The following PYROXD1 variants were observed in gnomAD, a reference collection of about 807,000 sequenced individuals.
PYROXD1 encodes pyridine nucleotide-disulphide oxidoreductase domain 1.
Under a neutral mutation model 62.0 loss-of-function variants are expected in PYROXD1, and 42 were observed. That is an observed-to-expected ratio of 0.68 (90% confidence interval 0.53 to 0.88). The LOEUF is 0.88. PYROXD1 is among the 40% of genes least tolerant of loss of function. The probability of loss-of-function intolerance (pLI) is 0.00; values close to 1 mark genes in which losing one functional copy is unlikely to be tolerated. For missense variants in PYROXD1, 493 were observed against 604.8 expected, an observed-to-expected ratio of 0.82 and a Z score of 1.94; for synonymous variants, 170 against 206.4, an observed-to-expected ratio of 0.82 and a Z score of 1.51.
chr12:21,451,018 A>G (rs1942486787), intron 4 of PYROXD1, among the ~76,000 whole-genome samples: 1 of 152,202 alleles, frequency 6.6e-6, no homozygotes, highest in African/African-American at 2.4e-5. Context: ...ATGTTTCTTA[A>G]ATTGCAATAT....
At chr12:21,447,006 C>A (rs77392592) in intron 3 of PYROXD1, among the ~76,000 whole-genome samples, 8,474 of 152,038 alleles carry the variant, frequency 0.056, 315 homozygotes, top group African/African-American at 0.1. Flanking sequence ...AAAAAATATC[C>A]CAGATTTGAG....
intron 2 of PYROXD1, among the ~76,000 whole-genome samples, chr12:21,441,672 TTC>T (rs1942298111): frequency 6.6e-6 from 1 of 152,246 alleles, no homozygotes; most frequent in African/African-American, 2.4e-5. Context: ...CTTATTGTTT[TTC>T]TGATTTAATT....
chr12:21,438,095 G>C lies in PYROXD1; in HGVS notation c.84+281G>C, dbSNP rs113058309. 0.02 allele frequency: 8,606 copies of C among 429,496 alleles called. 122 individuals carry two copies. The highest frequency in any genetic ancestry group is 0.053 in the Middle Eastern group (88 of 1,654). The allele number at this position is 429,496 out of a possible 1,614,324, so 26.6% of individuals were successfully genotyped here. A position where few individuals can be genotyped will look rare whatever the true frequency, so the allele number is the denominator to read the frequency against. On this transcript the variant is annotated intron_variant, in intron 1 of 11. Transcript: ENST00000240651. ...ATCCTTGTAATGTCAGAGCAGACAT[G>C]AGGACTTTGTATTTAGACAAAAAAT...
intron 7 of PYROXD1, among the ~76,000 whole-genome samples, chr12:21,460,048 T>C (rs1237639279): frequency 6.6e-6 from 1 of 152,222 alleles, no homozygotes. Flanking sequence ...TTAATAGTTG[T>C]TAAAGGGCTG....
chr12:21,442,395 G>A (rs1942311776), intron 2 of PYROXD1, among the ~76,000 whole-genome samples: 1 of 152,232 alleles, frequency 6.6e-6, no homozygotes, highest in South Asian at 2.1e-4. Flanking sequence ...TGTGCTCAGA[G>A]TTACAGCAGC....
Position 21,455,030 on chromosome 12 carries a change from T to C in PYROXD1, c.489-102T>C, listed in dbSNP as rs571509297. On this transcript the variant is annotated intron_variant, in intron 5 of 11. Transcript: ENST00000240651. ...AATCTTTCCCAGTTAGCCTTAAAAA[T>C]GTATTCCCTACTTTTGCTTCAGGAG... 27 of 543,764 alleles carry C rather than the reference T, an allele frequency of 5.0e-5. No individual in the cohort carries two copies. The South Asian group carries it at 1.4e-3, about 29-fold the overall frequency. 33.7% of individuals were successfully genotyped at this position (543,764 alleles called of 1,614,324 possible).
intron 4 of PYROXD1, among the ~76,000 whole-genome samples, chr12:21,450,289 A>T (rs893836954): frequency 2.6e-5 from 4 of 152,174 alleles, no homozygotes; most frequent in Admixed American, 2.6e-4. Flanking sequence ...TATATTACAC[A>T]CACATTCATT....
intron 7 of PYROXD1, 27 bp from the exon 8 acceptor site, chr12:21,460,998 T>G: frequency 7.0e-7 from 1 of 1,432,786 alleles, no homozygotes; most frequent in Non-Finnish European, 9.4e-7. Flanking sequence ...GTAAGTATTA[T>G]GCTAACCAGT....
Position 21,451,445 on chromosome 12 carries a change from AT to A in PYROXD1, c.415-625del, listed in dbSNP as rs201561811. 1.5e-3 allele frequency among the ~76,000 whole-genome samples: 215 copies of A among 144,754 alleles called. 1 individual carries two copies. Among genetic ancestry groups the A allele is most frequent in the African/African-American group, 3.6e-3 (145 of 39,748 alleles). The allele number at this position is 144,754 out of a possible 152,430, so 95.0% of individuals were successfully genotyped here. ...GTATCTGTCTTAGAATGTTAATAAC[AT>A]TTTTTTTTTTAGTAGAAGTTTGACA... On this transcript the variant is annotated intron_variant, in intron 4 of 11. Transcript: ENST00000240651.
At chr12:21,449,858 C>CT (rs71537701) in intron 4 of PYROXD1, among the ~76,000 whole-genome samples, 167 bp downstream of exon 4, 4,422 of 147,280 alleles carry the variant, frequency 0.03, 105 homozygotes, top group Middle Eastern at 0.057. Flanking sequence ...AATTTTCTTT[C>CT]TTTTTTTTTT....
chr12:21,451,217 G>A (rs1851678298), intron 4 of PYROXD1, among the ~76,000 whole-genome samples: 2 of 131,652 alleles, frequency 1.5e-5, no homozygotes, highest in Admixed American at 1.6e-4. Context: ...ATTACCACTG[G>A]CTTCTCTCTC....
chr12:21,449,317 A>T (rs918616761), intron 3 of PYROXD1, among the ~76,000 whole-genome samples: 3 of 152,078 alleles, frequency 2.0e-5, no homozygotes, highest in African/African-American at 7.2e-5. Flanking sequence ...CCAGGGGAGA[A>T]AGACTAGTTT....
In PYROXD1 at chr12:21,469,251, A is replaced by T. The variant is rs542519058; in HGVS notation, c.*497A>T. 4 of 156,158 alleles carry T rather than the reference A, an allele frequency of 2.6e-5. No homozygotes were observed. Among genetic ancestry groups the T allele is most frequent in the African/African-American group, 9.6e-5 (4 of 41,562 alleles). 9.7% of individuals were successfully genotyped at this position (156,158 alleles called of 1,614,324 possible). On this transcript the variant is annotated 3_prime_UTR_variant, in exon 12 of 12. Coordinates refer to ENST00000240651, the MANE Select transcript of PYROXD1 (RefSeq NM_024854.5). ...TGTTGAATTGTACTTCTGGTTTTAT[A>T]ACCTGAAATCATCTACAAGCTTGTC...
intron 5 of PYROXD1, among the ~76,000 whole-genome samples, chr12:21,454,032 A>G (rs900707276): frequency 1.3e-5 from 2 of 152,030 alleles, no homozygotes; most frequent in Non-Finnish European, 2.9e-5. Flanking sequence ...GTTTACTGAC[A>G]TAGAAGAGCT....
chr12:21,462,382 C>T (rs1942714836), intron 9 of PYROXD1, among the ~76,000 whole-genome samples: 2 of 151,922 alleles, frequency 1.3e-5, no homozygotes, highest in Admixed American at 1.3e-4. Flanking sequence ...AAGAGACTGA[C>T]ACCTCCCGTG....
Position 21,445,390 on chromosome 12 carries a change from G to A in PYROXD1, c.209G>A (p.Ser70Asn). The change falls in exon 3 of 12, where the codon AGT becomes AAT. Residue 70 changes from serine (S) to asparagine (N), a missense_variant. Physicochemically the swap from Ser to Asn is conservative, Grantham distance 46. Transcript: ENST00000240651. ...LEEFDVEEQS[S>N]TMLGKRFPNI... ...GAATTCGATGTTGAAGAACAATCAA[G>A]TACCATGTTAGGAAAACGCTTTCCC... 1 of 1,609,640 alleles carries A rather than the reference G, an allele frequency of 6.2e-7. No homozygotes were observed. Among genetic ancestry groups the A allele is most frequent in the South Asian group, 1.1e-5 (1 of 89,824 alleles).
Position 21,471,229 on chromosome 12 carries a change from C to T in PYROXD1, c.*2475C>T. 9.6e-7 allele frequency: 1 copy of T among 1,046,700 alleles called. No individual in the cohort carries two copies. The highest frequency in any genetic ancestry group is 2.7e-5 in the East Asian group (1 of 37,094). 64.8% of individuals were successfully genotyped at this position (1,046,700 alleles called of 1,614,324 possible). ...TGAAATAATAAAATTTACAAGAATG[C>T]AAATAAAGCCTTTAAAGAAAATATT... On this transcript the variant is annotated 3_prime_UTR_variant, in exon 12 of 12. Transcript: ENST00000240651.
At chr12:21,438,109 T>G in intron 1 of PYROXD1, 1 of 374,142 alleles carries the variant, frequency 2.7e-6, no homozygotes. Context: ...ACTTTGTATT[T>G]AGACAAAAAA....
Position 21,437,715 on chromosome 12 carries a change from C to G in PYROXD1, c.-16C>G, listed in dbSNP as rs1423810347. 2 of 1,608,754 alleles carry G rather than the reference C, an allele frequency of 1.2e-6. No homozygotes were observed. Among genetic ancestry groups the G allele is most frequent in the East Asian group, 2.2e-5 (1 of 44,684 alleles). On this transcript the variant is annotated 5_prime_UTR_variant, in exon 1 of 12. Coordinates refer to ENST00000240651, the MANE Select transcript of PYROXD1 (RefSeq NM_024854.5). ...CTCCGCCGCGATATTCAGTAAACCA[C>G]TGGGAGTCCGGCAGCATGGAGGCAG... is the stretch of plus-strand genomic sequence containing the variant.
Sources: gnomAD v4.1 joint callset for allele counts (sites outside exome capture counted in the v4.1 genomes callset) on GRCh38, gnomAD v4.1.1 for gene constraint, MANE v1.5 for transcripts, NCBI Gene and HGNC (gene_info 2026-07-23, HGNC 2026-07-21) for gene names.